The following SMOC2 variants were observed in gnomAD, a reference collection of about 807,000 sequenced individuals.
SMOC2 encodes the protein SPARC related modular calcium binding 2.
A neutral mutation model predicts 61.4 loss-of-function variants in SMOC2; 39 were observed. The ratio of observed to expected loss-of-function variants is 0.64; its 90% CI spans 0.49 to 0.83. The LOEUF is 0.83. Among genes scored for constraint, SMOC2 ranks in the 40% least tolerant of loss-of-function variants. The pLI, the probability that SMOC2 is intolerant of heterozygous loss-of-function variation, is 0.00. For missense variants in SMOC2, 556 were observed against 592.9 expected, an observed-to-expected ratio of 0.94 and a Z score of 0.65; for synonymous variants, 247 against 239.9, an observed-to-expected ratio of 1.03 and a Z score of -0.27.
At chr6:168,529,835 G>T (rs1432697592) in intron 4 of SMOC2, among the ~76,000 whole-genome samples, 2 of 152,244 alleles carry the variant, frequency 1.3e-5, no homozygotes, top group African/African-American at 4.8e-5. Context: ...GGCATCACCT[G>T]TGAGATCGTG....
chr6:168,626,408 T>C (rs1786411354), intron 9 of SMOC2, among the ~76,000 whole-genome samples: 1 of 152,236 alleles, frequency 6.6e-6, no homozygotes, highest in African/African-American at 2.4e-5. Flanking sequence ...CTCGGATTAC[T>C]TGAGGTCGTC....
chr6:168,529,156 G>A (rs1401911358), intron 4 of SMOC2, among the ~76,000 whole-genome samples: 2 of 152,308 alleles, frequency 1.3e-5, no homozygotes, highest in East Asian at 3.9e-4. Context: ...ATCTACTCAC[G>A]TTGTTGCTTC....
intron 9 of SMOC2, among the ~76,000 whole-genome samples, chr6:168,612,704 G>A (rs1274096556): frequency 6.6e-6 from 1 of 152,220 alleles, no homozygotes; most frequent in Non-Finnish European, 1.5e-5. Flanking sequence ...CCTCAGCTGC[G>A]GCACCGGCTC....
intron 11 of SMOC2, among the ~76,000 whole-genome samples, chr6:168,658,923 TG>T (rs1787397115): frequency 2.1e-5 from 3 of 143,368 alleles, no homozygotes; most frequent in Admixed American, 7.0e-5. Context: ...TGTGTGTGTG[TG>T]GAGTGTGTGT....
chr6:168,564,232 G>A (rs535037228), intron 7 of SMOC2, among the ~76,000 whole-genome samples: 14 of 151,930 alleles, frequency 9.2e-5, no homozygotes, highest in South Asian at 8.4e-4. Context: ...TGATTCACAC[G>A]TATTTTCTTC....
chr6:168,649,193 G>A (rs181973413), intron 9 of SMOC2, among the ~76,000 whole-genome samples: 7 of 152,326 alleles, frequency 4.6e-5, no homozygotes, highest in African/African-American at 7.2e-5. Flanking sequence ...AGCTCTCCGC[G>A]TCCTCCACTT....
intron 7 of SMOC2, among the ~76,000 whole-genome samples, chr6:168,566,613 C>T (rs1305028406): frequency 6.6e-6 from 1 of 151,502 alleles, no homozygotes; most frequent in African/African-American, 2.4e-5. Context: ...CTCCGAGTAG[C>T]TGGGACTACA....
At position 168,509,108 on chromosome 6, in the gene SMOC2, C is replaced by T. The variant is rs527330534; in HGVS notation, c.85-807C>T. On this transcript the variant is annotated intron_variant, in intron 1 of 12. Transcript: ENST00000356284. ...TGGTGACTTGTCCAAGGAAAACACA[C>T]GGGGCCAGCACGCCCAGATCGGAGG... Among the ~76,000 whole-genome samples the T allele has an allele frequency of 3.0e-4, 46 of 152,280 alleles. 1 individual carries two copies. Among genetic ancestry groups the T allele is most frequent in the South Asian group, 8.3e-4 (4 of 4,826 alleles).
intron 11 of SMOC2, among the ~76,000 whole-genome samples, chr6:168,659,816 G>GAGGATGGAGGTTGTAGGTTGGGTT (rs1787454386): frequency 1.3e-5 from 1 of 78,406 alleles, no homozygotes; most frequent in African/African-American, 4.8e-5. Context: ...TAGATTGGGT[G>GAGGATGGAGGTTGTAGGTTGGGTT]AGGGTGAAGG....
At chr6:168,463,608 C>T (rs933326725) in intron 1 of SMOC2, among the ~76,000 whole-genome samples, 1 of 152,038 alleles carries the variant, frequency 6.6e-6, no homozygotes, top group Non-Finnish European at 1.5e-5. Flanking sequence ...CCTCTGGAAA[C>T]GGAAGAAAGA....
rs144714832 is a variant in SMOC2 at position 168,591,056 on chromosome 6, A to G, written c.638-7762A>G. 5.6e-3 allele frequency among the ~76,000 whole-genome samples: 846 copies of G among 152,350 alleles called. 9 individuals carry two copies. Among genetic ancestry groups the G allele is most frequent in the African/African-American group, 0.019 (809 of 41,590 alleles). On this transcript the variant is annotated intron_variant, in intron 7 of 12. Coordinates refer to ENST00000356284, the MANE Select transcript of SMOC2 (RefSeq NM_001166412.2). The stretch of plus-strand genomic sequence containing the variant: ...AGTTTATAGAAGTGAAATTGAAATC[A>G]TATTTCTATAAAAGTTAGAATTTAT...
intron 1 of SMOC2, among the ~76,000 whole-genome samples, chr6:168,481,922 G>A (rs1442687138): frequency 6.6e-6 from 1 of 151,870 alleles, no homozygotes; most frequent in African/African-American, 2.4e-5. Flanking sequence ...AAAATGTATA[G>A]CTATTAATTC....
At position 168,534,674 on chromosome 6, in the gene SMOC2, A is replaced by T. The variant is rs73258922; in HGVS notation, c.463+6947A>T. On this transcript the variant is annotated intron_variant, in intron 4 of 12. Transcript: ENST00000356284. ...TTTATTACTTTTAACCTCAGGAAAA[A>T]GTACTTTCTGGTGTCTAATGCTTGT... is the stretch of plus-strand genomic sequence containing the variant. Among the ~76,000 whole-genome samples the T allele has an allele frequency of 6.5e-3, 995 of 152,330 alleles. 6 individuals carry two copies. The highest frequency in any genetic ancestry group is 0.028 in the South Asian group (134 of 4,826).
chr6:168,488,625 A>G (rs1232314), intron 1 of SMOC2, among the ~76,000 whole-genome samples: 24,524 of 152,258 alleles, frequency 0.16, 2,465 homozygotes, highest in East Asian at 0.33. Flanking sequence ...CAGGTTCTCA[A>G]TCGAATCGTC....
chr6:168,552,607 G>T (rs1476902494), intron 7 of SMOC2, among the ~76,000 whole-genome samples: 2 of 152,224 alleles, frequency 1.3e-5, no homozygotes, highest in Admixed American at 6.5e-5. Flanking sequence ...ACACTAGCAA[G>T]ATGTGGTCAC....
At position 168,441,434 on chromosome 6, in the gene SMOC2, C is replaced by T; in HGVS notation, c.64C>T (p.Gln22Ter). ...TGGGCTGCTCCCGCCGGTGCCCGCT[C>T]AGAAGTTCTCGGCGCTCACGGTAAG... Reference protein sequence around the residue: ...LAGLLPPVPAQKFSALTFLRV... With the variant: ...LAGLLPPVPA Residue 22 changes from glutamine (Q) to a stop codon, truncating the protein, a stop_gained, in exon 1 of 13, where the codon CAG becomes TAG. Coordinates refer to ENST00000356284, the MANE Select transcript of SMOC2 (RefSeq NM_001166412.2). LOFTEE classifies it high-confidence loss of function. 1 of 1,509,316 alleles carries T rather than the reference C, an allele frequency of 6.6e-7. No individual in the cohort carries two copies. Among genetic ancestry groups the T allele is most frequent in the Non-Finnish European group, 8.8e-7 (1 of 1,132,790 alleles). 93.5% of individuals were successfully genotyped at this position (1,509,316 alleles called of 1,614,324 possible). A position where few individuals can be genotyped will look rare whatever the true frequency, so the allele number is the denominator to read the frequency against.
At chr6:168,486,557 A>G (rs555466653) in intron 1 of SMOC2, among the ~76,000 whole-genome samples, 5 of 151,846 alleles carry the variant, frequency 3.3e-5, no homozygotes, top group Admixed American at 1.3e-4. Context: ...TCTTACATGG[A>G]AGAGCGCTGT....
chr6:168,566,715 G>A (rs1242021573), intron 7 of SMOC2, among the ~76,000 whole-genome samples: 1 of 151,994 alleles, frequency 6.6e-6, no homozygotes, highest in East Asian at 1.9e-4. Context: ...TTGCCAGGAT[G>A]ATCTTGATCT....
chr6:168,504,469 T>TCAGATGCG (rs560972751), intron 1 of SMOC2, among the ~76,000 whole-genome samples: 404 of 151,298 alleles, frequency 2.7e-3, no homozygotes, highest in Non-Finnish European at 4.4e-3. Flanking sequence ...CCTAGACCCC[T>TCAGATGCG]CAGATGCGCA....
Sources: allele counts gnomAD v4.1 joint callset (sites outside exome capture counted in the v4.1 genomes callset), GRCh38; gene constraint gnomAD v4.1.1; transcripts MANE v1.5; gene names NCBI Gene and HGNC (gene_info 2026-07-23, HGNC 2026-07-21).